DLG2: variants seen among roughly 807,000 people sequenced by gnomAD.
DLG2 encodes discs large MAGUK scaffold protein 2, also known as disks large homolog 2.
In DLG2, 45 loss-of-function variants were observed where a neutral mutation model predicts 132.5. The ratio of observed to expected loss-of-function variants is 0.34; its 90% CI spans 0.27 to 0.44. DLG2 has a LOEUF of 0.44. Among genes scored for constraint, DLG2 ranks in the 20% least tolerant of loss-of-function variants. The pLI, the probability that DLG2 is intolerant of heterozygous loss-of-function variation, is 1.00. For missense variants in DLG2, 1,045 were observed against 1,196.9 expected, an observed-to-expected ratio of 0.87 and a Z score of 1.87; for synonymous variants, 424 against 419.6, an observed-to-expected ratio of 1.01 and a Z score of -0.13.
intron 18 of DLG2, among the ~76,000 whole-genome samples, chr11:83,745,588 G>C (rs1770945471): frequency 6.6e-6 from 1 of 152,070 alleles, no homozygotes; most frequent in African/African-American, 2.4e-5. Flanking sequence ...TGGATCACAA[G>C]GTCAGGAGTT....
intron 11 of DLG2, among the ~76,000 whole-genome samples, chr11:84,004,346 A>C (rs1023501519): frequency 6.6e-6 from 1 of 152,178 alleles, no homozygotes; most frequent in South Asian, 2.1e-4. Context: ...TCATATGATC[A>C]TCTCATCAGA....
At chr11:83,853,219 T>G (rs1275737626) in intron 16 of DLG2, among the ~76,000 whole-genome samples, 1 of 152,134 alleles carries the variant, frequency 6.6e-6, no homozygotes, top group Non-Finnish European at 1.5e-5. Context: ...CCATGTATAG[T>G]CCTTTCTGCC....
intron 18 of DLG2, among the ~76,000 whole-genome samples, chr11:83,694,809 T>C (rs911546462): frequency 2.0e-5 from 3 of 152,224 alleles, no homozygotes; most frequent in Non-Finnish European, 2.9e-5. Flanking sequence ...GAAATGTAGC[T>C]GAAAATCTAC....
At chr11:84,069,104 C>T (rs1490363762) in intron 10 of DLG2, among the ~76,000 whole-genome samples, 2 of 152,144 alleles carry the variant, frequency 1.3e-5, no homozygotes, top group African/African-American at 2.4e-5. Context: ...CACTGAGCTT[C>T]CCCCTCCAGA....
At chr11:84,875,357 A>T (rs577992684) in intron 6 of DLG2, among the ~76,000 whole-genome samples, 6 of 152,138 alleles carry the variant, frequency 3.9e-5, no homozygotes, top group Non-Finnish European at 7.4e-5. Flanking sequence ...TCATGCAAAG[A>T]AATTATCCCA....
intron 4 of DLG2, among the ~76,000 whole-genome samples, chr11:85,219,715 A>C (rs934532467): frequency 1.4e-5 from 2 of 147,940 alleles, no homozygotes; most frequent in African/African-American, 2.5e-5. Context: ...GGCCCACTCT[A>C]ATCTAGTATG....
chr11:84,838,074 T>C (rs1446847637), intron 6 of DLG2, among the ~76,000 whole-genome samples: 1 of 151,890 alleles, frequency 6.6e-6, no homozygotes, highest in Non-Finnish European at 1.5e-5. Context: ...TTATGTTGAG[T>C]ACTTCTTAAA....
chr11:84,415,220 A>T (rs1039595966), intron 7 of DLG2, among the ~76,000 whole-genome samples: 1 of 152,170 alleles, frequency 6.6e-6, no homozygotes, highest in Non-Finnish European at 1.5e-5. Context: ...AGAACAGATG[A>T]CCTTTCTCTA....
chr11:85,044,273 A>C (rs142772703), intron 6 of DLG2, among the ~76,000 whole-genome samples: 1 of 152,142 alleles, frequency 6.6e-6, no homozygotes, highest in East Asian at 1.9e-4. Context: ...ATAATTGCCT[A>C]TTAACTTTTT....
intron 6 of DLG2, among the ~76,000 whole-genome samples, chr11:84,669,271 A>G (rs1285303641): frequency 6.6e-6 from 1 of 152,098 alleles, no homozygotes; most frequent in African/African-American, 2.4e-5. Flanking sequence ...AGAAATGGCA[A>G]GGAAGCTGAA....
At chr11:84,435,032 A>G (rs2098996556) in intron 7 of DLG2, among the ~76,000 whole-genome samples, 1 of 152,110 alleles carries the variant, frequency 6.6e-6, no homozygotes, top group Non-Finnish European at 1.5e-5. Context: ...ATCTTTCACA[A>G]TTAAGTATAC....
At chr11:85,375,221 T>C (rs1304358373) in intron 3 of DLG2, among the ~76,000 whole-genome samples, 2 of 152,168 alleles carry the variant, frequency 1.3e-5, no homozygotes, top group Non-Finnish European at 2.9e-5. Flanking sequence ...AGAAGAATAA[T>C]TGTATGACCT....
intron 6 of DLG2, among the ~76,000 whole-genome samples, chr11:84,683,805 G>T (rs1283330898): frequency 6.6e-6 from 1 of 152,146 alleles, no homozygotes; most frequent in African/African-American, 2.4e-5. Flanking sequence ...ATGTCCTATT[G>T]CTGAATCCAG....
intron 6 of DLG2, among the ~76,000 whole-genome samples, chr11:84,662,820 T>C (rs571984422): frequency 3.4e-5 from 5 of 148,490 alleles, no homozygotes; most frequent in African/African-American, 1.2e-4. Flanking sequence ...CAGTCACTTC[T>C]GAGTTTGAAG....
intron 3 of DLG2, among the ~76,000 whole-genome samples, chr11:85,506,067 C>T (rs1464478065): frequency 1.3e-5 from 2 of 152,042 alleles, no homozygotes; most frequent in Non-Finnish European, 2.9e-5. Flanking sequence ...GTGGTGATAT[C>T]CCCTTTATCA....
At chr11:83,488,820 T>C (rs895045567) in intron 21 of DLG2, among the ~76,000 whole-genome samples, 2 of 151,976 alleles carry the variant, frequency 1.3e-5, no homozygotes, top group Non-Finnish European at 2.9e-5. Flanking sequence ...TTACTGTACA[T>C]TTGGGCCACT....
At chr11:84,289,143 G>A (rs2097951274) in intron 7 of DLG2, among the ~76,000 whole-genome samples, 4 of 152,028 alleles carry the variant, frequency 2.6e-5, no homozygotes, top group Admixed American at 6.6e-5. Flanking sequence ...ATGATGAAGA[G>A]TTTCTAATCA....
intron 3 of DLG2, among the ~76,000 whole-genome samples, chr11:85,467,805 C>T (rs546003624): frequency 6.6e-6 from 1 of 152,266 alleles, no homozygotes; most frequent in South Asian, 2.1e-4. Context: ...GCTTTGGTAT[C>T]AGGATGATGC....
chr11:83,781,266 T>G (rs1044351972), intron 18 of DLG2, among the ~76,000 whole-genome samples: 1 of 152,234 alleles, frequency 6.6e-6, no homozygotes, highest in African/African-American at 2.4e-5. Flanking sequence ...TCTTTCTTTA[T>G]ACTACTTATC....
Sources: allele counts gnomAD v4.1 joint callset (sites outside exome capture counted in the v4.1 genomes callset), GRCh38; gene constraint gnomAD v4.1.1; transcripts MANE v1.5; gene names NCBI Gene and HGNC (gene_info 2026-07-23, HGNC 2026-07-21).